Variants in ZNF578 observed in about 807,000 individuals in gnomAD.
ZNF578 encodes the protein Putative chemokine-related protein B42.
Under a neutral mutation model 8.3 loss-of-function variants are expected in ZNF578, and 8 were observed. The ratio of observed to expected loss-of-function variants is 0.96; its 90% CI spans 0.56 to 1.74. The LOEUF (loss-of-function observed/expected upper bound fraction) is 1.74, where lower values mean the gene tolerates loss of function less well. Among genes scored for constraint, ZNF578 ranks in the 40% most tolerant of loss-of-function variants. The pLI is 0.00. For synonymous variants in ZNF578, 206 were observed against 232.2 expected (o/e 0.89, Z 1.03); for missense variants, 726 against 707.5 (o/e 1.03, Z -0.30).
chr19:52,509,841 A>C (rs1046038015), intron 5 of ZNF578, among the ~76,000 whole-genome samples: 1 of 152,036 alleles, frequency 6.6e-6, no homozygotes, highest in African/African-American at 2.4e-5. Flanking sequence ...TATGACATTT[A>C]TTGAGAAAAG....
chr19:52,490,439 G>A (rs1231224868), intron 2 of ZNF578, among the ~76,000 whole-genome samples: 2 of 152,182 alleles, frequency 1.3e-5, no homozygotes, highest in Non-Finnish European at 2.9e-5. Flanking sequence ...TCTGCAGGCT[G>A]TATAAATGTA....
At chr19:52,476,509 T>C (rs2059308817) in intron 2 of ZNF578, among the ~76,000 whole-genome samples, 1 of 152,170 alleles carries the variant, frequency 6.6e-6, no homozygotes, top group Non-Finnish European at 1.5e-5. Context: ...GTTTCTCATA[T>C]CGGGTTAGGA....
intron 2 of ZNF578, chr19:52,473,278 T>A (rs1171455537): frequency 6.4e-6 from 1 of 155,930 alleles, no homozygotes; most frequent in African/African-American, 2.4e-5. Flanking sequence ...TAAGTTGTGA[T>A]TTGTGACTAA....
chr19:52,479,360 C>A (rs913943165), intron 2 of ZNF578, among the ~76,000 whole-genome samples: 2 of 151,578 alleles, frequency 1.3e-5, no homozygotes, highest in African/African-American at 4.8e-5. Flanking sequence ...GCGGTGAAAC[C>A]CCATCTCTAC....
At chr19:52,495,677 A>G (rs1004324273) in intron 3 of ZNF578, among the ~76,000 whole-genome samples, 1 of 150,260 alleles carries the variant, frequency 6.7e-6, no homozygotes, top group Non-Finnish European at 1.5e-5. Flanking sequence ...TTCTCTGTTT[A>G]TAATGTAACA....
intron 2 of ZNF578, among the ~76,000 whole-genome samples, chr19:52,485,436 G>T (rs1206318429): frequency 2.6e-5 from 4 of 152,194 alleles, no homozygotes; most frequent in Non-Finnish European, 5.9e-5. Flanking sequence ...AGTGGCGCAG[G>T]TGCTTGTCAT....
rs544483715 is a variant in ZNF578, at chr19:52,500,736, G to C, written c.-19-1091G>C. Among the ~76,000 whole-genome samples the C allele has an allele frequency of 1.4e-4, 21 of 152,152 alleles. 1 individual carries two copies. Among genetic ancestry groups the C allele is most frequent in the Admixed American group, 1.2e-3 (19 of 15,262 alleles). ...AGGAGGTACTCAGATAGGCATGTAT[G>C]TCAGGGAGCAGAGGGGTGACTTTGA... On this transcript the variant is annotated intron_variant, in intron 3 of 5. Transcript: ENST00000421239.
At chr19:52,509,479 A>G (rs1402300629) in intron 5 of ZNF578, among the ~76,000 whole-genome samples, 2 of 152,198 alleles carry the variant, frequency 1.3e-5, no homozygotes, top group Non-Finnish European at 2.9e-5. Context: ...TATAACTGAC[A>G]CACTCCACTC....
chr19:52,481,608 A>G (rs8109016), intron 2 of ZNF578, among the ~76,000 whole-genome samples: 3,122 of 152,280 alleles, frequency 0.021, 119 homozygotes, highest in African/African-American at 0.072. Context: ...TGTAATCCCT[A>G]TTCAGCCCAA....
chr19:52,466,474 A>AC (rs2059275581), intron 2 of ZNF578, among the ~76,000 whole-genome samples: 1 of 151,938 alleles, frequency 6.6e-6, no homozygotes, highest in South Asian at 2.1e-4. Flanking sequence ...TTATACAGGC[A>AC]CCCCGTAAGC....
chr19:52,462,445 C>T lies in ZNF578; in HGVS notation c.-122+5487C>T, dbSNP rs140109994. ...CAAACACTATTATTAACATAAACCT[C>T]AACTGGGGGTTCCAACAAAGTGACA... On this transcript the variant is annotated intron_variant, in intron 2 of 5. Coordinates refer to ENST00000421239, the MANE Select transcript of ZNF578 (RefSeq NM_001099694.2). Among the ~76,000 whole-genome samples, 1,385 of 152,308 alleles carry T rather than the reference C, an allele frequency of 9.1e-3. 10 individuals are homozygous for T. Among genetic ancestry groups the T allele is most frequent in the Non-Finnish European group, 0.016 (1,057 of 68,028 alleles).
In ZNF578 at chr19:52,515,015, T is replaced by C. The variant is rs1306963626; in HGVS notation, c.*2861T>C. On this transcript the variant is annotated 3_prime_UTR_variant, in exon 6 of 6. Transcript: ENST00000421239. ...TTTGCTTTTGTTGCTGAGGCTGGAG[T>C]GCAATGGTGCGATCTGGTGTCACTC... Among the ~76,000 whole-genome samples the C allele has an allele frequency of 6.8e-6, 1 of 147,390 alleles. No individual in the cohort carries two copies. The highest frequency in any genetic ancestry group is 1.5e-5 in the Non-Finnish European group (1 of 67,352).
Position 52,511,401 on chromosome 19 carries a change from G to C in ZNF578, c.1020G>C (p.Glu340Asp), listed in dbSNP as rs758770249. 1 of 1,613,948 alleles carries C rather than the reference G, an allele frequency of 6.2e-7. No homozygotes were observed. The highest frequency in any genetic ancestry group is 1.1e-5 in the South Asian group (1 of 91,076). Residue 340 changes from glutamate to aspartate, a missense_variant, in exon 6 of 6, where the codon GAG becomes GAC. Coordinates refer to ENST00000421239, the MANE Select transcript of ZNF578 (RefSeq NM_001099694.2). Reference protein sequence around the residue: ...LTCHHRCHTGEKPYKCNECGK... With the variant: ...LTCHHRCHTGDKPYKCNECGK... ...GCCATCATAGGTGTCACACTGGTGA[G>C]AAACCTTACAAGTGTAATGAATGTG...
chr19:52,499,646 A>G (rs2059399376), intron 3 of ZNF578, among the ~76,000 whole-genome samples: 2 of 151,488 alleles, frequency 1.3e-5, no homozygotes, highest in Admixed American at 6.6e-5. Context: ...AGAAACGTAC[A>G]TGTATATGTG....
intron 2 of ZNF578, among the ~76,000 whole-genome samples, chr19:52,476,158 T>C (rs2059307799): frequency 6.6e-6 from 1 of 152,148 alleles, no homozygotes; most frequent in African/African-American, 2.4e-5. Context: ...GCCAGTATCT[T>C]GGAATGGCTG....
At chr19:52,474,172 A>C in intron 2 of ZNF578, 1 of 302,888 alleles carries the variant, frequency 3.3e-6, no homozygotes, top group Non-Finnish European at 6.9e-6. Context: ...TTCCACTATG[A>C]ATTAGAAGAT....
At chr19:52,497,181 C>A (rs1200044835) in intron 3 of ZNF578, among the ~76,000 whole-genome samples, 1 of 152,014 alleles carries the variant, frequency 6.6e-6, no homozygotes, top group African/African-American at 2.4e-5. Flanking sequence ...CTCACTGCAA[C>A]CTCCGCCTCC....
rs1446863808 is a variant in ZNF578, at chr19:52,516,524, C to T, written c.*4370C>T. On this transcript the variant is annotated 3_prime_UTR_variant, in exon 6 of 6. Transcript: ENST00000421239. ...TGAGCCCAAGCTAAGCCATCGTATCCCCTGTCACCTGCACGTATACATCCA... is the reference window on the plus strand; with the variant it reads ...TGAGCCCAAGCTAAGCCATCGTATCTCCTGTCACCTGCACGTATACATCCA... Among the ~76,000 whole-genome samples the T allele has an allele frequency of 6.6e-6, 1 of 152,182 alleles. No individual in the cohort carries two copies. Among genetic ancestry groups the T allele is most frequent in the East Asian group, 1.9e-4 (1 of 5,200 alleles).
chr19:52,480,739 TA>T (rs2059323252), intron 2 of ZNF578, among the ~76,000 whole-genome samples: 1 of 151,092 alleles, frequency 6.6e-6, no homozygotes, highest in Non-Finnish European at 1.5e-5. Flanking sequence ...CTACCAAAAA[TA>T]ACAAAAATTA....
Sources: gnomAD v4.1 joint callset for allele counts (sites outside exome capture counted in the v4.1 genomes callset) on GRCh38, gnomAD v4.1.1 for gene constraint, MANE v1.5 for transcripts, NCBI Gene and HGNC (gene_info 2026-07-23, HGNC 2026-07-21) for gene names.